Variants in ATE1 observed in about 807,000 individuals in gnomAD.
ATE1 encodes arginyl-tRNA--protein transferase 1.
Under a neutral mutation model 70.5 loss-of-function variants are expected in ATE1, and 36 were observed. That is an observed-to-expected ratio of 0.51 (90% CI 0.39 to 0.67). ATE1 has a LOEUF of 0.67. ATE1 is among the 30% of genes least tolerant of loss of function. The pLI is 0.00. For synonymous variants in ATE1, 232 were observed against 219.3 expected (o/e 1.06, Z -0.51); for missense variants, 593 against 629.5 (o/e 0.94, Z 0.62).
At chr10:121,810,123 ACT>A (rs1488456404) in intron 10 of ATE1, among the ~76,000 whole-genome samples, 1 of 152,250 alleles carries the variant, frequency 6.6e-6, no homozygotes, top group Non-Finnish European at 1.5e-5. Context: ...AACAAGGTTT[ACT>A]GCAGAACAAT....
chr10:121,817,483 G>C (rs1185511919), intron 10 of ATE1, among the ~76,000 whole-genome samples: 5 of 151,664 alleles, frequency 3.3e-5, no homozygotes, highest in Admixed American at 6.6e-5. Flanking sequence ...AGCTTGCAGT[G>C]AGCCAAGATC....
At chr10:121,892,729 G>T (rs1029015516) in intron 7 of ATE1, among the ~76,000 whole-genome samples, 1 of 151,966 alleles carries the variant, frequency 6.6e-6, no homozygotes, top group Non-Finnish European at 1.5e-5. Context: ...TGGCCAGGCT[G>T]GTCTCGAACT....
chr10:121,910,493 TA>T (rs35171498), intron 5 of ATE1, among the ~76,000 whole-genome samples: 41,273 of 151,958 alleles, frequency 0.27, 6,607 homozygotes, highest in South Asian at 0.43. Flanking sequence ...AAAATTACAT[TA>T]AAAAATTTAA....
At chr10:121,908,614 T>C (rs1366248937) in intron 5 of ATE1, among the ~76,000 whole-genome samples, 1 of 152,168 alleles carries the variant, frequency 6.6e-6, no homozygotes, top group Non-Finnish European at 1.5e-5. Context: ...GAAGAAATGA[T>C]AGAGTATCTA....
intron 8 of ATE1, among the ~76,000 whole-genome samples, chr10:121,869,571 T>C (rs1949780089): frequency 6.6e-6 from 1 of 152,246 alleles, no homozygotes; most frequent in Non-Finnish European, 1.5e-5. Context: ...TGTCAACTCA[T>C]GGATTTTAAA....
chr10:121,921,186 C>G (rs961648857), intron 3 of ATE1, among the ~76,000 whole-genome samples: 3 of 151,796 alleles, frequency 2.0e-5, no homozygotes, highest in African/African-American at 7.3e-5. Flanking sequence ...AGGTACTGAT[C>G]GTCATACCAA....
intron 7 of ATE1, among the ~76,000 whole-genome samples, chr10:121,870,246 T>G (rs920949724): frequency 4.6e-5 from 7 of 152,222 alleles, no homozygotes; most frequent in African/African-American, 1.7e-4. Flanking sequence ...TTTGAATTCC[T>G]TTCAATAAAT....
chr10:121,761,465 G>GT (rs541113077), intron 11 of ATE1, among the ~76,000 whole-genome samples: 756 of 51,692 alleles, frequency 0.015, 3 homozygotes, highest in African/African-American at 0.03. Context: ...ATGTATGATA[G>GT]TTTTTTTTTC....
At chr10:121,761,161 G>A (rs1479561066) in intron 11 of ATE1, among the ~76,000 whole-genome samples, 1 of 152,152 alleles carries the variant, frequency 6.6e-6, no homozygotes, top group Non-Finnish European at 1.5e-5. Flanking sequence ...CACCATGGGT[G>A]GGAGCAGCTT....
rs1016778250 is a variant in ATE1, at chr10:121,885,738, A to G, written c.942+14128T>C. On this transcript the variant is annotated intron_variant, in intron 7 of 11. Coordinates refer to ENST00000224652, the MANE Select transcript of ATE1 (RefSeq NM_001001976.3). ...AACATGGTGAAACCCTGTCCCTACT[A>G]AAAATACAAAAATTAGCCGGGCTTG... Among the ~76,000 whole-genome samples the G allele has an allele frequency of 7.5e-4, 114 of 151,908 alleles. 1 individual carries two copies. Among genetic ancestry groups the G allele is most frequent in the African/African-American group, 2.6e-3 (107 of 41,410 alleles).
chr10:121,836,233 T>C (rs1372470726), intron 10 of ATE1, among the ~76,000 whole-genome samples: 1 of 152,188 alleles, frequency 6.6e-6, no homozygotes, highest in Non-Finnish European at 1.5e-5. Flanking sequence ...GACCACTGTA[T>C]ACCCTGGTTT....
intron 5 of ATE1, among the ~76,000 whole-genome samples, chr10:121,905,855 GA>G: frequency 6.6e-6 from 1 of 150,964 alleles, no homozygotes; most frequent in South Asian, 2.1e-4. Flanking sequence ...CCAAGAGAGA[GA>G]AAAAAAAGTA....
In ATE1 at chr10:121,791,922, G is replaced by A. The variant is rs370050594; in HGVS notation, c.1258-1633C>T. Among the ~76,000 whole-genome samples the A allele has an allele frequency of 2.6e-4, 39 of 152,270 alleles. 1 individual carries two copies. The East Asian group carries it at 4.1e-3, about 16-fold the overall frequency. ...TAAGAGCTCGGCAGTGATTCTGTTC[G>A]ACGGAAAGGCTCTATACCAGGTGCT... On this transcript the variant is annotated intron_variant, in intron 10 of 11. Coordinates refer to ENST00000224652, the MANE Select transcript of ATE1 (RefSeq NM_001001976.3).
At chr10:121,925,439 A>AAAG (rs1554938457) in intron 1 of ATE1, among the ~76,000 whole-genome samples, 3 of 151,818 alleles carry the variant, frequency 2.0e-5, no homozygotes, top group East Asian at 1.9e-4. Context: ...AAAAAAAAAA[A>AAAG]AAAGAAAGAA....
chr10:121,910,783 G>C (rs530179080), intron 5 of ATE1, 123 bp downstream of exon 5: 2 of 1,261,620 alleles, frequency 1.6e-6, no homozygotes, highest in South Asian at 2.6e-5. Context: ...AACAAAGCAG[G>C]GTTCTGTTTT....
chr10:121,870,967 A>G (rs1319258786), intron 7 of ATE1, among the ~76,000 whole-genome samples: 1 of 152,204 alleles, frequency 6.6e-6, no homozygotes, highest in Non-Finnish European at 1.5e-5. Context: ...ATAAAATACA[A>G]TGACAGGACT....
chr10:121,806,839 T>C (rs1947118162), intron 10 of ATE1, among the ~76,000 whole-genome samples: 1 of 152,228 alleles, frequency 6.6e-6, no homozygotes, highest in Non-Finnish European at 1.5e-5. Flanking sequence ...CGGGTGTTCA[T>C]TATGCTGTTC....
chr10:121,796,190 AG>A (rs1192572718), intron 10 of ATE1, among the ~76,000 whole-genome samples: 1 of 152,178 alleles, frequency 6.6e-6, no homozygotes, highest in African/African-American at 2.4e-5. Flanking sequence ...CCGTCCAACA[AG>A]AACAAAAGGA....
At chr10:121,770,841 C>T (rs886822952) in intron 11 of ATE1, among the ~76,000 whole-genome samples, 3 of 151,772 alleles carry the variant, frequency 2.0e-5, no homozygotes, top group African/African-American at 7.3e-5. Context: ...TGAATGAATG[C>T]CTAAAACATC....
Sources: gnomAD v4.1 joint callset for allele counts (sites outside exome capture counted in the v4.1 genomes callset) on GRCh38, gnomAD v4.1.1 for gene constraint, MANE v1.5 for transcripts, NCBI Gene and HGNC (gene_info 2026-07-23, HGNC 2026-07-21) for gene names.